Variants in SLC12A1 observed in about 807,000 individuals in gnomAD.
SLC12A1 encodes solute carrier family 12 member 1, also known as Na-K-2Cl cotransporter.
A neutral mutation model predicts 130.4 loss-of-function variants in SLC12A1; 89 were observed. That is an observed-to-expected ratio of 0.68 (90% confidence interval 0.58 to 0.81). The LOEUF (loss-of-function observed/expected upper bound fraction) is 0.81. Among genes scored for constraint, SLC12A1 ranks in the 40% least tolerant of loss-of-function variants. The probability of loss-of-function intolerance (pLI) is 0.00; values close to 1 mark genes in which losing one functional copy is unlikely to be tolerated. For synonymous variants in SLC12A1, 499 were observed against 460.0 expected (o/e 1.08, Z -1.09); for missense variants, 1,310 against 1,336.4 (o/e 0.98, Z 0.31).
intron 2 of SLC12A1, 145 bp downstream of exon 2, chr15:48,208,284 T>C (rs1470804385): frequency 1.2e-6 from 1 of 806,404 alleles, no homozygotes. Flanking sequence ...TACAAAACTG[T>C]CCCTAGTTCC....
At chr15:48,246,457 G>T (rs72737967) in intron 11 of SLC12A1, among the ~76,000 whole-genome samples, 1 of 152,024 alleles carries the variant, frequency 6.6e-6, no homozygotes, top group Admixed American at 6.5e-5. Flanking sequence ...AACCAAAAAG[G>T]CCATTTCTAT....
Position 48,291,817 on chromosome 15 carries a change from A to G in SLC12A1, c.2913A>G (p.Ala971=). 6.4e-7 allele frequency: 1 copy of G among 1,571,712 alleles called. No homozygotes were observed. The highest frequency in any genetic ancestry group is 1.2e-5 in the South Asian group (1 of 85,184). ...SLLSKFRIKF[A]DIHIIGDINI... The stretch of plus-strand genomic sequence containing the variant: ...TGAGCAAATTTAGGATAAAATTTGC[A>G]GACATCCATATCATCGGTGACATCA... The change falls in exon 24 of 27, where the codon GCA becomes GCG. Residue 971 remains alanine (A), a synonymous_variant. Transcript: ENST00000380993.
At position 48,207,539 on chromosome 15, in the gene SLC12A1, A is replaced by T; in HGVS notation, c.-181A>T. ...ATTTTCTTTTTCAATGACAGCTTTG[A>T]AGAACATCCTGAAGATTATATCGGA... is the stretch of plus-strand genomic sequence containing the variant. On this transcript the variant is annotated 5_prime_UTR_variant, in exon 2 of 27. Coordinates refer to ENST00000380993, the MANE Select transcript of SLC12A1 (RefSeq NM_000338.3). The T allele has an allele frequency of 2.2e-6, 1 of 452,426 alleles. No homozygotes were observed. 28.0% of individuals were successfully genotyped at this position (452,426 alleles called of 1,614,324 possible). A position where few individuals can be genotyped will look rare whatever the true frequency, so the allele number is the denominator to read the frequency against.
At chr15:48,242,563 G>A (rs2041528825) in intron 10 of SLC12A1, among the ~76,000 whole-genome samples, 2 of 152,190 alleles carry the variant, frequency 1.3e-5, no homozygotes, top group Admixed American at 1.3e-4. Context: ...ACTAATTTGG[G>A]GGGCTGAGGC....
At chr15:48,242,566 G>A (rs537168865) in intron 10 of SLC12A1, among the ~76,000 whole-genome samples, 1 of 152,198 alleles carries the variant, frequency 6.6e-6, no homozygotes, top group Admixed American at 6.5e-5. Context: ...AATTTGGGGG[G>A]CTGAGGCCAG....
intron 6 of SLC12A1, 81 bp downstream of exon 6, chr15:48,229,409 T>A: frequency 7.2e-7 from 1 of 1,381,256 alleles, no homozygotes; most frequent in Non-Finnish European, 1.0e-6. Flanking sequence ...AGGGATATCA[T>A]TACAGCTAAA....
At chr15:48,254,642 C>T (rs1057166492) in intron 15 of SLC12A1, among the ~76,000 whole-genome samples, 4 of 114,840 alleles carry the variant, frequency 3.5e-5, no homozygotes, top group African/African-American at 1.1e-4. Flanking sequence ...CCAAAAAAGA[C>T]CGGGCACGGT....
At chr15:48,230,319 T>C in intron 6 of SLC12A1, 74 bp from the exon 7 acceptor site, 1 of 847,966 alleles carries the variant, frequency 1.2e-6, no homozygotes, top group East Asian at 2.6e-5. Flanking sequence ...TATCTCTTTT[T>C]ACTGTTAAAT....
intron 24 of SLC12A1, among the ~76,000 whole-genome samples, chr15:48,298,316 AC>A (rs1483258613): frequency 6.6e-6 from 1 of 152,224 alleles, no homozygotes; most frequent in Non-Finnish European, 1.5e-5. Flanking sequence ...TATAAGTTTT[AC>A]TTTGTGTCAT....
intron 25 of SLC12A1, among the ~76,000 whole-genome samples, chr15:48,300,469 T>G (rs1320840789): frequency 6.6e-6 from 1 of 152,178 alleles, no homozygotes; most frequent in African/African-American, 2.4e-5. Context: ...CCCTGACCCC[T>G]GGGGCCCACG....
In SLC12A1 at chr15:48,239,180, T is replaced by C. The variant is rs1476776116; in HGVS notation, c.1216-2335T>C. ...ACCAGACAATGTGAATATCTAATCA[T>C]ACATTAATATATTGGCATCCAGATT... On this transcript the variant is annotated intron_variant, in intron 9 of 26. Transcript: ENST00000380993. Among the ~76,000 whole-genome samples the C allele has an allele frequency of 3.3e-5, 5 of 152,290 alleles. No individual in the cohort carries two copies. In the East Asian group the frequency reaches 7.7e-4, roughly 23 times the overall value.
intron 14 of SLC12A1, among the ~76,000 whole-genome samples, chr15:48,250,669 G>A (rs2041636463): frequency 1.9e-5 from 1 of 52,924 alleles, no homozygotes; most frequent in African/African-American, 1.0e-4. Flanking sequence ...CCCAGAAAAT[G>A]TCTGCCTCAC....
Position 48,246,587 on chromosome 15 carries a change from C to A in SLC12A1, c.1453-322C>A, listed in dbSNP as rs12904042. On this transcript the variant is annotated intron_variant, in intron 11 of 26. Coordinates refer to ENST00000380993, the MANE Select transcript of SLC12A1 (RefSeq NM_000338.3). ...CTTGAGGTCAGGAGTTCAAGACCAG[C>A]CTGGCCAACATGGTGAAACCCCGTC... 0.6 allele frequency among the ~76,000 whole-genome samples: 90,599 copies of A among 151,976 alleles called. 31,534 individuals carry two copies. Among genetic ancestry groups the A allele is most frequent in the Non-Finnish European group, 0.78 (53,195 of 67,976 alleles).
intron 9 of SLC12A1, 48 bp downstream of exon 9, chr15:48,235,052 G>C (rs2041424932): frequency 5.0e-6 from 8 of 1,593,188 alleles, no homozygotes; most frequent in African/African-American, 1.3e-5. Context: ...TGGTACACTT[G>C]GTGGGTAGCA....
intron 15 of SLC12A1, 68 bp from the exon 16 acceptor site, chr15:48,255,743 T>C (rs2041699799): frequency 1.0e-6 from 1 of 980,602 alleles, no homozygotes; most frequent in African/African-American, 1.6e-5. Flanking sequence ...GAATGACTTG[T>C]AAAATTATTC....
chr15:48,301,141 T>A (rs557151971), intron 25 of SLC12A1, among the ~76,000 whole-genome samples, 174 bp from the exon 26 acceptor site: 1 of 152,392 alleles, frequency 6.6e-6, no homozygotes, highest in South Asian at 2.1e-4. Flanking sequence ...TTTATATTTC[T>A]AAAATTTCTC....
intron 14 of SLC12A1, among the ~76,000 whole-genome samples, chr15:48,250,657 A>G (rs1470286259): frequency 1.9e-5 from 2 of 104,580 alleles, no homozygotes; most frequent in Non-Finnish European, 3.9e-5. Flanking sequence ...TGGATACACA[A>G]ACCCAGAAAA....
rs1321351872 is a variant in SLC12A1 at position 48,302,830 on chromosome 15, C to T, written c.3245C>T (p.Pro1082Leu). ...AWLEILTKNL[P>L]PVLLVRGNHK... ...TTGGAAATCCTCACAAAGAACCTCC[C>T]ACCTGTCTTACTAGTTAGAGGAAAT... Residue 1082 changes from proline to leucine, a missense_variant, in exon 27 of 27, where the codon CCA (proline) becomes CTA (leucine). By Grantham distance (98) the Pro-to-Leu change is moderately conservative (BLOSUM62 -3). Coordinates refer to ENST00000380993, the MANE Select transcript of SLC12A1 (RefSeq NM_000338.3). The T allele has an allele frequency of 1.2e-6, 2 of 1,612,558 alleles. No individual in the cohort carries two copies. The highest frequency in any genetic ancestry group is 2.7e-5 in the African/African-American group (2 of 74,844).
At chr15:48,296,757 T>A (rs775337989) in intron 24 of SLC12A1, among the ~76,000 whole-genome samples, 15 of 152,270 alleles carry the variant, frequency 9.9e-5, no homozygotes, top group Non-Finnish European at 1.5e-4. Context: ...AAAGTACTTA[T>A]AAAGAAAAAA....
Sources: allele counts gnomAD v4.1 joint callset (sites outside exome capture counted in the v4.1 genomes callset), GRCh38; gene constraint gnomAD v4.1.1; transcripts MANE v1.5; gene names NCBI Gene and HGNC (gene_info 2026-07-23, HGNC 2026-07-21).